The following CIZ1 variants were observed in gnomAD, a reference collection of about 807,000 sequenced individuals.
CIZ1 encodes cip1-interacting zinc finger protein.
A neutral mutation model predicts 118.6 loss-of-function variants in CIZ1; 58 were observed. The ratio of observed to expected loss-of-function variants is 0.49; its 90% confidence interval spans 0.40 to 0.61. CIZ1 has a LOEUF of 0.61. CIZ1 is among the 20% of genes least tolerant of loss of function. CIZ1 has a pLI of 0.00. For missense variants in CIZ1, 921 were observed against 1,115.9 expected (o/e 0.83, Z 2.49); for synonymous variants, 448 against 443.4 (o/e 1.01, Z -0.13).
In CIZ1 at chr9:128,191,320, G is replaced by A; in HGVS notation, c.-6+112C>T. 6.8e-6 allele frequency: 2 copies of A among 294,668 alleles called. No individual in the cohort carries two copies. The highest frequency in any genetic ancestry group is 1.7e-3 in the Middle Eastern group (1 of 598). The allele number at this position is 294,668 out of a possible 1,614,324, so 18.3% of individuals were successfully genotyped here. A position where few individuals can be genotyped will look rare whatever the true frequency, so the allele number is the denominator to read the frequency against. On this transcript the variant is annotated intron_variant, in intron 1 of 16. Transcript: ENST00000372938. This position sits in a 1 kb window ranked among gnomAD's most constrained non-coding sequence, Gnocchi z 5.5. ...CGTGGGACGGCTTCTCTCCACCACC[G>A]CCACCTCCTCGCGCCCCACTCCGCC...
intron 2 of CIZ1, 84 bp from the exon 3 acceptor site, chr9:128,190,528 G>A (rs1302928254): frequency 3.7e-6 from 5 of 1,362,368 alleles, no homozygotes; most frequent in Non-Finnish European, 5.1e-6. Context: ...TCCATTCTCT[G>A]CCCCACTCTG....
In CIZ1 at chr9:128,191,476, T is replaced by G. The variant is rs1833141023; in HGVS notation, c.-50A>C. ...TCAACGCTCAAGTCGCCCCCACGGA[T>G]GGGCCGGCCCCGCAGCCCCCACGCC... On this transcript the variant is annotated 5_prime_UTR_variant, in exon 1 of 17. Coordinates refer to ENST00000372938, the MANE Select transcript of CIZ1 (RefSeq NM_001131016.2). This position sits in a 1 kb window ranked among gnomAD's most constrained non-coding sequence, Gnocchi z 5.5. 1.0e-6 allele frequency: 1 copy of G among 986,658 alleles called. No homozygotes were observed. The highest frequency in any genetic ancestry group is 1.2e-6 in the Non-Finnish European group (1 of 829,072). The allele number at this position is 986,658 out of a possible 1,614,324, so 61.1% of individuals were successfully genotyped here.
intron 14 of CIZ1, chr9:128,167,393 G>C (rs1256486610): frequency 9.4e-6 from 5 of 530,036 alleles, no homozygotes; most frequent in Non-Finnish European, 1.7e-5. Flanking sequence ...CCTCCTCCAG[G>C]AAGCCCTCCT....
chr9:128,195,616 C>A (rs1478745391), upstream of CIZ1, among the ~76,000 whole-genome samples: 1 of 151,966 alleles, frequency 6.6e-6, no homozygotes, highest in Non-Finnish European at 1.5e-5. Flanking sequence ...CCATGCCAGG[C>A]CTTCCAGACC....
rs1829508123 is a variant in CIZ1, at chr9:128,166,963, C to A, written c.2366-83G>T. The A allele has an allele frequency of 6.2e-7, 1 of 1,610,522 alleles. No individual in the cohort carries two copies. Among genetic ancestry groups the A allele is most frequent in the African/African-American group, 1.3e-5 (1 of 74,850 alleles). ...CCCTCTCTAGGGGCCCATGTGCTCC[C>A]CAACCCTCTAGGCAGGGGCAGAAGA... On this transcript the variant is annotated intron_variant, in intron 15 of 16. Transcript: ENST00000372938. This position sits in a 1 kb window ranked among gnomAD's most constrained non-coding sequence, Gnocchi z 4.4.
chr9:128,187,623 G>C (rs1232213591), intron 4 of CIZ1, among the ~76,000 whole-genome samples: 1 of 152,074 alleles, frequency 6.6e-6, no homozygotes, highest in Non-Finnish European at 1.5e-5. Context: ...CATATGTGCA[G>C]AGAGCCAACC....
chr9:128,176,498 A>C, intron 10 of CIZ1, 23 bp from the exon 11 acceptor site: 1 of 1,609,826 alleles, frequency 6.2e-7, no homozygotes, highest in Non-Finnish European at 8.5e-7. Flanking sequence ...GGAAAGAGGG[A>C]TGGGCCTGGG....
At chr9:128,185,155 G>A (rs531437959) in intron 5 of CIZ1, among the ~76,000 whole-genome samples, 4 of 152,178 alleles carry the variant, frequency 2.6e-5, no homozygotes, top group African/African-American at 9.6e-5. Flanking sequence ...GCGCATGCCT[G>A]TAATCCCAGC....
At chr9:128,190,663 C>T (rs1181569913) in intron 2 of CIZ1, 25 bp downstream of exon 2, 1 of 1,545,952 alleles carries the variant, frequency 6.5e-7, no homozygotes, top group East Asian at 2.4e-5. Context: ...AGGCTGAAGC[C>T]ATCGCGCCCG....
chr9:128,190,598 G>A (rs1833007998), intron 2 of CIZ1, 90 bp downstream of exon 2: 1 of 1,468,320 alleles, frequency 6.8e-7, no homozygotes, highest in East Asian at 2.5e-5. Flanking sequence ...AAACGGGGAT[G>A]GCACTGGGAA....
intron 14 of CIZ1, 155 bp downstream of exon 14, chr9:128,168,897 T>G: frequency 9.5e-7 from 1 of 1,052,130 alleles, no homozygotes; most frequent in Non-Finnish European, 1.4e-6. Context: ...CATAATTACA[T>G]AGTCATGCAG....
chr9:128,186,003 G>T (rs1316181655), intron 4 of CIZ1, among the ~76,000 whole-genome samples: 1 of 152,074 alleles, frequency 6.6e-6, no homozygotes, highest in Non-Finnish European at 1.5e-5. Context: ...AGCTAGGGGT[G>T]GGGGTGTTGC....
chr9:128,187,135 TCACCA>T (rs1247699462), intron 4 of CIZ1, among the ~76,000 whole-genome samples: 2 of 152,158 alleles, frequency 1.3e-5, no homozygotes, highest in Non-Finnish European at 2.9e-5. Flanking sequence ...AGACAGGGTT[TCACCA>T]TGTTGGCCAG....
chr9:128,203,587 C>A lies in CIZ1; in HGVS notation c.-6+599G>T. ...TGCCGCAGATCGCTGTGGTGGGCGG[C>A]CAGAGCGCCGGCAAGAGCTCGGTGC... On this transcript the variant is annotated intron_variant, in intron 1 of 17. Coordinates refer to the CIZ1 transcript ENST00000372948. The surrounding 1 kb of genome is among the most constrained non-coding windows in gnomAD (Gnocchi z 5.3). 6.4e-7 allele frequency: 1 copy of A among 1,551,906 alleles called. No homozygotes were observed.
chr9:128,181,605 G>A (rs918167008), intron 5 of CIZ1, among the ~76,000 whole-genome samples: 28 of 152,328 alleles, frequency 1.8e-4, no homozygotes, highest in Admixed American at 7.2e-4. Flanking sequence ...AGACAAGAGC[G>A]TGAGCCTTCT....
intron 1 of CIZ1, chr9:128,199,784 C>CTTTTTTTTT (rs34269035): frequency 1.6e-5 from 2 of 128,684 alleles, no homozygotes; most frequent in Non-Finnish European, 3.2e-5. Flanking sequence ...TTCTTTCTTT[C>CTTTTTTTTT]TTTTTTTTTT....
intron 11 of CIZ1, among the ~76,000 whole-genome samples, chr9:128,174,730 G>A (rs942693641): frequency 1.1e-4 from 17 of 151,948 alleles, no homozygotes; most frequent in Non-Finnish European, 2.1e-4. Flanking sequence ...CGCGATCTCG[G>A]CTCACTGCAA....
At position 128,185,757 on chromosome 9, in the gene CIZ1, G is replaced by A. The variant is rs1196982087; in HGVS notation, c.378C>T (p.Gly126=). 1.2e-6 allele frequency: 2 copies of A among 1,613,560 alleles called. No individual in the cohort carries two copies. Among genetic ancestry groups the A allele is most frequent in the East Asian group, 4.5e-5 (2 of 44,888 alleles). The change falls in exon 5 of 17, where the codon GGC becomes GGT. Residue 126 remains glycine (G), a synonymous_variant. Transcript: ENST00000372938. ...GGGCTGCGAGGCCTGGGGATGCCAT[G>A]CCATAGCCTCGGAGGTTACCTGCAG... The part of the protein sequence containing the change: ...TATLGNLRGY[G]MASPGLAAPS...
chr9:128,201,738 C>G (rs2131054375), intron 1 of CIZ1, among the ~76,000 whole-genome samples: 1 of 152,346 alleles, frequency 6.6e-6, no homozygotes, highest in Admixed American at 6.5e-5. Context: ...GGGCTGTGCC[C>G]TACACAGGCA....
Sources: gnomAD v4.1 joint callset for allele counts (sites outside exome capture counted in the v4.1 genomes callset) on GRCh38, gnomAD v4.1.1 for gene constraint, Gnocchi (gnomAD v3.1) non-coding constraint, MANE v1.5 for transcripts, NCBI Gene and HGNC (gene_info 2026-07-23, HGNC 2026-07-21) for gene names.